NFE2L2: variants seen among roughly 807,000 people sequenced by gnomAD.
NFE2L2 encodes NFE2 like bZIP transcription factor 2.
In NFE2L2, 20 loss-of-function variants were observed where a neutral mutation model predicts 49.6. The ratio of observed to expected loss-of-function variants is 0.40; its 90% CI spans 0.28 to 0.59. NFE2L2 has a LOEUF of 0.59. Ranked by LOEUF, NFE2L2 falls within the 20% of genes least tolerant of loss-of-function variation. NFE2L2 has a pLI of 0.40. For missense variants in NFE2L2, 578 were observed against 714.2 expected, an observed-to-expected ratio of 0.81 and a Z score of 2.17; for synonymous variants, 244 against 256.5, an observed-to-expected ratio of 0.95 and a Z score of 0.47.
At chr2:177,237,189 T>C (rs1689779552) in intron 1 of NFE2L2, among the ~76,000 whole-genome samples, 1 of 152,192 alleles carries the variant, frequency 6.6e-6, no homozygotes, top group African/African-American at 2.4e-5. Context: ...TTTGAACCAA[T>C]CTGCCATTGG....
intron 1 of NFE2L2, among the ~76,000 whole-genome samples, chr2:177,247,160 C>G (rs1255621317): frequency 6.6e-6 from 1 of 152,020 alleles, no homozygotes; most frequent in Non-Finnish European, 1.5e-5. Context: ...GAGACTGTAC[C>G]TTTTACACTC....
rs776472261 is a variant in NFE2L2, at chr2:177,231,824, G to C, written c.779C>G (p.Thr260Arg). 14 of 1,614,080 alleles carry C rather than the reference G, an allele frequency of 8.7e-6. No homozygotes were observed. In the East Asian group the frequency reaches 2.9e-4, roughly 33 times the overall value. ...FEDSFSSILSTEDPNQLTVNS... is the reference protein window; with the variant it reads ...FEDSFSSILSREDPNQLTVNS... ...CACTGTCAACTGGTTGGGGTCTTCT[G>C]TGGAGAGGATGCTGCTGAAGGAATC... Residue 260 changes from threonine (T) to arginine (R), a missense_variant, in exon 5 of 5, where the codon ACA becomes AGA. Transcript: ENST00000397062.
chr2:177,248,512 C>T (rs370023959), intron 1 of NFE2L2, among the ~76,000 whole-genome samples: 2 of 152,244 alleles, frequency 1.3e-5, no homozygotes, highest in Non-Finnish European at 2.9e-5. Flanking sequence ...CGGGTTCAAG[C>T]GATTCTCTTG....
intron 1 of NFE2L2, among the ~76,000 whole-genome samples, chr2:177,254,116 A>G (rs779012464): frequency 2.0e-5 from 3 of 152,324 alleles, no homozygotes; most frequent in Middle Eastern, 3.4e-3. Flanking sequence ...CTCCTTGAAA[A>G]TTAAAATAGT....
rs977421900 is a variant in NFE2L2 at position 177,232,092 on chromosome 2, C to T, written c.595-84G>A. ...TAAATTTAGATAAACTCCCTACCCA[C>T]ATTATCTTCAGGCTTATCTCTATAA... On this transcript the variant is annotated intron_variant, in intron 4 of 4. Coordinates refer to ENST00000397062, the MANE Select transcript of NFE2L2 (RefSeq NM_006164.5). 25 of 1,278,864 alleles carry T rather than the reference C, an allele frequency of 2.0e-5. 1 individual carries two copies. In the Admixed American group the frequency reaches 5.6e-4, roughly 29 times the overall value. 79.2% of individuals were successfully genotyped at this position (1,278,864 alleles called of 1,614,324 possible). A position where few individuals can be genotyped will look rare whatever the true frequency, so the allele number is the denominator to read the frequency against.
chr2:177,233,421 C>A, intron 2 of NFE2L2, 82 bp from the exon 3 acceptor site: 2 of 1,023,356 alleles, frequency 2.0e-6, no homozygotes, highest in South Asian at 2.9e-5. Context: ...AATTGATGTT[C>A]ATAAAATATT....
Position 177,230,431 on chromosome 2 carries a change from T to C in NFE2L2, c.*354A>G, listed in dbSNP as rs184701151. On this transcript the variant is annotated 3_prime_UTR_variant, in exon 5 of 5. Transcript: ENST00000397062. ...CATACAGTATTTATAAAAAAGTACATAGTGGTTAGTTTTGCAATAATTTCT... is the reference window on the plus strand; with the variant it reads ...CATACAGTATTTATAAAAAAGTACACAGTGGTTAGTTTTGCAATAATTTCT... The C allele has an allele frequency of 2.3e-3, 568 of 242,714 alleles. 2 individuals are homozygous for C. The highest frequency in any genetic ancestry group is 0.01 in the African/African-American group (458 of 45,720). The allele number at this position is 242,714 out of a possible 1,614,324, so 15.0% of individuals were successfully genotyped here. A position where few individuals can be genotyped will look rare whatever the true frequency, so the allele number is the denominator to read the frequency against.
At chr2:177,232,681 T>C in intron 3 of NFE2L2, 98 bp from the exon 4 acceptor site, 2 of 1,164,172 alleles carry the variant, frequency 1.7e-6, no homozygotes. Context: ...CAGCTGCAGT[T>C]CTGTGTCTCT....
chr2:177,263,708 C>CA, intron 1 of NFE2L2: 1 of 985,490 alleles, frequency 1.0e-6, no homozygotes, highest in Non-Finnish European at 1.2e-6. Context: ...ACTCCGGCCT[C>CA]AGAGTCCACT....
intron 1 of NFE2L2, among the ~76,000 whole-genome samples, chr2:177,252,724 C>T (rs959778697): frequency 7.2e-5 from 11 of 152,136 alleles, no homozygotes; most frequent in Non-Finnish European, 1.2e-4. Context: ...TCCTTAAAAA[C>T]GGAGGCTCTA....
chr2:177,263,256 G>T, intron 1 of NFE2L2: 1 of 570,558 alleles, frequency 1.8e-6, no homozygotes, highest in Non-Finnish European at 2.2e-6. Flanking sequence ...CTGCAGAAGA[G>T]GGGGAACATG....
chr2:177,236,494 T>C (rs1689754812), intron 1 of NFE2L2, among the ~76,000 whole-genome samples: 1 of 152,216 alleles, frequency 6.6e-6, no homozygotes, highest in Non-Finnish European at 1.5e-5. Context: ...TATGCACTGT[T>C]CTAAGTACTT....
Position 177,233,324 on chromosome 2 carries a change from T to G in NFE2L2, c.328A>C (p.Lys110Gln). The G allele has an allele frequency of 1.9e-6, 3 of 1,609,668 alleles. No homozygotes were observed. Among genetic ancestry groups the G allele is most frequent in the Non-Finnish European group, 2.5e-6 (3 of 1,178,578 alleles). ...TCATCAAAGTACAAAGCATCTGATTTGGGAATGTGGGCAACCTGATAAAAG... is the reference window on the plus strand; with the variant it reads ...TCATCAAAGTACAAAGCATCTGATTGGGGAATGTGGGCAACCTGATAAAAG... Reference protein sequence around the residue: ...ANYSQVAHIPKSDALYFDDCM... With the variant: ...ANYSQVAHIPQSDALYFDDCM... The change falls in exon 3 of 5, where the codon AAA becomes CAA. Residue 110 changes from lysine to glutamine, a missense_variant. This residue lies in a region of NFE2L2 where 93 missense variants were observed against 153.9 expected (regional missense o/e 0.60). Transcript: ENST00000397062.
chr2:177,249,084 G>A (rs995700053), intron 1 of NFE2L2, among the ~76,000 whole-genome samples: 1 of 152,046 alleles, frequency 6.6e-6, no homozygotes, highest in Non-Finnish European at 1.5e-5. Flanking sequence ...GCCAGGCGTG[G>A]TGGCGCGTAC....
chr2:177,261,134 G>A (rs1690720502), intron 1 of NFE2L2, among the ~76,000 whole-genome samples: 1 of 140,654 alleles, frequency 7.1e-6, no homozygotes, highest in East Asian at 2.0e-4. Context: ...TCAGGCCACT[G>A]CATTCCAGCC....
At chr2:177,232,686 G>T in intron 3 of NFE2L2, 103 bp from the exon 4 acceptor site, 2 of 1,131,104 alleles carry the variant, frequency 1.8e-6, no homozygotes, top group Non-Finnish European at 1.3e-6. Flanking sequence ...GCAGTTCTGT[G>T]TCTCTCTACT....
chr2:177,246,522 A>G (rs181165445), intron 1 of NFE2L2, among the ~76,000 whole-genome samples: 3 of 152,188 alleles, frequency 2.0e-5, no homozygotes, highest in African/African-American at 7.2e-5. Context: ...GCATATAAGC[A>G]TAGTATCCCA....
At chr2:177,242,764 C>G (rs969341007) in intron 1 of NFE2L2, among the ~76,000 whole-genome samples, 5 of 152,194 alleles carry the variant, frequency 3.3e-5, no homozygotes, top group Non-Finnish European at 7.3e-5. Flanking sequence ...TCAAGAGGCA[C>G]ATGCAGAGTT....
chr2:177,248,290 T>C (rs138763384), intron 1 of NFE2L2, among the ~76,000 whole-genome samples: 18 of 152,354 alleles, frequency 1.2e-4, no homozygotes, highest in Non-Finnish European at 2.5e-4. Flanking sequence ...ATTCATTAAA[T>C]ATTAGGAATT....
Sources: allele counts gnomAD v4.1 joint callset (sites outside exome capture counted in the v4.1 genomes callset), GRCh38; gene constraint gnomAD v4.1.1; regional missense constraint gnomAD v4.1.1; transcripts MANE v1.5; gene names NCBI Gene and HGNC (gene_info 2026-07-23, HGNC 2026-07-21).